Variants in CABIN1 observed in about 807,000 individuals in gnomAD.
The protein encoded by CABIN1 is calcineurin-binding protein cabin-1.
In CABIN1, 133 loss-of-function variants were observed where a neutral mutation model predicts 227.7. The observed-to-expected ratio is 0.58, with a 90% CI of 0.51 to 0.67. CABIN1 has a LOEUF of 0.67. Ranked by LOEUF, CABIN1 falls within the 30% of genes least tolerant of loss-of-function variation. The pLI is 0.00. For missense variants in CABIN1, 2,408 were observed against 2,852.5 expected (o/e 0.84, Z 3.55); for synonymous variants, 1,086 against 1,155.1 (o/e 0.94, Z 1.21).
rs75110457 is a variant in CABIN1 at position 24,092,290 on chromosome 22, A to G, written c.3786+447A>G. On this transcript the variant is annotated intron_variant, in intron 24 of 36. Coordinates refer to ENST00000263119, the MANE Select transcript of CABIN1 (RefSeq NM_012295.4). ...TGGCAGGGGCTGAGCTAGGGTGAGC[A>G]GCCTGCTCTCTTGACCCCCAGTTTG... Among the ~76,000 whole-genome samples the G allele has an allele frequency of 2.9e-3, 442 of 152,282 alleles. 1 individual carries two copies. The highest frequency in any genetic ancestry group is 4.7e-3 in the Non-Finnish European group (319 of 68,026).
At position 24,119,492 on chromosome 22, in the gene CABIN1, AC is replaced by A. The variant is rs748729720; in HGVS notation, c.4429del (p.Leu1477CysfsTer44). The A allele has an allele frequency of 6.2e-7, 1 of 1,613,844 alleles. No homozygotes were observed. Among genetic ancestry groups the A allele is most frequent in the Non-Finnish European group, 8.5e-7 (1 of 1,179,966 alleles). On this transcript the variant is annotated frameshift_variant, in exon 28 of 37. Coordinates refer to ENST00000263119, the MANE Select transcript of CABIN1 (RefSeq NM_012295.4). LOFTEE classifies it high-confidence loss of function. ...TGGCAAGCCCTCAGCATCCACACCC[AC>A]CCTGTGGGATGGGAAGAAGAGAGGG... The part of the protein sequence containing the change: ...IPGKPSASTP[T>X]LWDGKKRGDL...
At position 24,026,907 on chromosome 22, in the gene CABIN1, T is replaced by G. The variant is rs187107224; in HGVS notation, c.-74-8537T>G. On this transcript the variant is annotated intron_variant, in intron 1 of 36. Transcript: ENST00000263119. Reference sequence around the variant, plus strand: ...TTAAATCTTTCTGTCAGCTTATCTATAATTACAAACAGACCCTGCTGTGAT... The same window carrying G: ...TTAAATCTTTCTGTCAGCTTATCTAGAATTACAAACAGACCCTGCTGTGAT... Among the ~76,000 whole-genome samples the G allele has an allele frequency of 4.3e-4, 66 of 152,338 alleles. 1 individual carries two copies. The highest frequency in any genetic ancestry group is 4.2e-3 in the Admixed American group (64 of 15,302).
At chr22:24,029,345 C>T (rs1415805271) in intron 1 of CABIN1, among the ~76,000 whole-genome samples, 2 of 152,142 alleles carry the variant, frequency 1.3e-5, no homozygotes, top group Non-Finnish European at 2.9e-5. Context: ...CTCAAGGGTT[C>T]AAGACCAACC....
At position 24,059,921 on chromosome 22, in the gene CABIN1, C is replaced by T; in HGVS notation, c.1400-3C>T. 1 of 1,613,928 alleles carries T rather than the reference C, an allele frequency of 6.2e-7. No homozygotes were observed. Among genetic ancestry groups the T allele is most frequent in the Non-Finnish European group, 8.5e-7 (1 of 1,179,822 alleles). On this transcript the variant is annotated splice_polypyrimidine_tract_variant and splice_region_variant and intron_variant, in intron 11 of 36. Coordinates refer to ENST00000263119, the MANE Select transcript of CABIN1 (RefSeq NM_012295.4). Reference sequence around the variant, plus strand: ...AGTCAGGTTGTTCTTGCTCCCCGGGCAGAAAAGCAGGACGTGCATGAGTTC... The same window carrying T: ...AGTCAGGTTGTTCTTGCTCCCCGGGTAGAAAAGCAGGACGTGCATGAGTTC...
At chr22:24,041,030 A>G in intron 4 of CABIN1, 109 bp from the exon 5 acceptor site, 1 of 1,318,446 alleles carries the variant, frequency 7.6e-7, no homozygotes, top group Non-Finnish European at 1.1e-6. Context: ...ACAACACTAG[A>G]CTGGCTCAAG....
At chr22:24,079,084 C>T (rs1251661097) in intron 19 of CABIN1, among the ~76,000 whole-genome samples, 1 of 151,974 alleles carries the variant, frequency 6.6e-6, no homozygotes, top group African/African-American at 2.4e-5. Flanking sequence ...GTATATCATG[C>T]TCTTAAACTT....
chr22:24,107,860 A>G (rs1185673476), intron 26 of CABIN1, among the ~76,000 whole-genome samples: 1 of 152,094 alleles, frequency 6.6e-6, no homozygotes, highest in Non-Finnish European at 1.5e-5. Flanking sequence ...TGCTTCCTGG[A>G]GCTTGCCGCA....
intron 10 of CABIN1, chr22:24,056,665 G>T: frequency 2.6e-6 from 1 of 379,864 alleles, no homozygotes; most frequent in South Asian, 2.9e-5. Context: ...GGGAGGCAGA[G>T]GGGTGCTGTG....
chr22:24,147,111 C>T (rs2045168194), intron 29 of CABIN1, among the ~76,000 whole-genome samples: 1 of 152,236 alleles, frequency 6.6e-6, no homozygotes, highest in African/African-American at 2.4e-5. Flanking sequence ...CCTGGGTATT[C>T]AGTCAGGAGC....
chr22:24,164,609 A>C lies in CABIN1; in HGVS notation c.4910+46A>C, dbSNP rs372710345. On this transcript the variant is annotated intron_variant, in intron 30 of 36. Coordinates refer to ENST00000263119, the MANE Select transcript of CABIN1 (RefSeq NM_012295.4). ...CACAGCCTGGCATGCTGTGTGGGTC[A>C]GGGGCACACACACCCCAGGAAGCCT... The C allele has an allele frequency of 1.7e-5, 27 of 1,585,098 alleles. No homozygotes were observed. In the African/African-American group the frequency reaches 2.3e-4, roughly 13 times the overall value.
chr22:24,025,779 A>T (rs1262390363), intron 1 of CABIN1, among the ~76,000 whole-genome samples: 1 of 152,162 alleles, frequency 6.6e-6, no homozygotes, highest in African/African-American at 2.4e-5. Context: ...GGCTGAAGTT[A>T]TCCTCCCACT....
chr22:24,036,592 G>T (rs2036908953), intron 3 of CABIN1, among the ~76,000 whole-genome samples: 2 of 152,094 alleles, frequency 1.3e-5, no homozygotes, highest in African/African-American at 2.4e-5. Flanking sequence ...GGTCAGTGAG[G>T]GAGCCAGGTC....
intron 35 of CABIN1, among the ~76,000 whole-genome samples, chr22:24,176,686 G>A (rs981145402): frequency 2.3e-4 from 35 of 152,176 alleles, no homozygotes; most frequent in Non-Finnish European, 5.0e-4. Context: ...CAGGCAGAAG[G>A]GTGGACAGGT....
intron 29 of CABIN1, among the ~76,000 whole-genome samples, chr22:24,155,546 G>A (rs2045732444): frequency 6.6e-6 from 1 of 151,940 alleles, no homozygotes; most frequent in South Asian, 2.1e-4. Flanking sequence ...TTTGCCCTCC[G>A]CCCTGAGGAC....
At chr22:24,031,128 C>T (rs2036463055) in intron 1 of CABIN1, among the ~76,000 whole-genome samples, 1 of 152,204 alleles carries the variant, frequency 6.6e-6, no homozygotes, top group African/African-American at 2.4e-5. Flanking sequence ...TAATGGGCCC[C>T]TCCCTTGTTT....
chr22:24,129,303 GC>G, intron 28 of CABIN1, among the ~76,000 whole-genome samples: 1 of 152,194 alleles, frequency 6.6e-6, no homozygotes, highest in Non-Finnish European at 1.5e-5. Flanking sequence ...ATGACAGTCA[GC>G]CCAATGTGTG....
At chr22:24,020,532 C>T (rs1438632476) in intron 1 of CABIN1, among the ~76,000 whole-genome samples, 2 of 152,086 alleles carry the variant, frequency 1.3e-5, no homozygotes, top group Non-Finnish European at 2.9e-5. Flanking sequence ...CTATGTTGCC[C>T]AGACTGGTCT....
At chr22:24,061,848 C>A in intron 12 of CABIN1, 99 bp from the exon 13 acceptor site, 2 of 826,286 alleles carry the variant, frequency 2.4e-6, no homozygotes, top group South Asian at 1.4e-5. Flanking sequence ...ATATTTTTAT[C>A]AAAAAGTATA....
intron 29 of CABIN1, chr22:24,160,224 C>A (rs769247761): frequency 6.6e-6 from 1 of 152,216 alleles, no homozygotes; most frequent in Non-Finnish European, 1.5e-5. Flanking sequence ...TCAGCCCACA[C>A]CTGACCCTCG....
Sources: allele counts gnomAD v4.1 joint callset (sites outside exome capture counted in the v4.1 genomes callset), GRCh38; gene constraint gnomAD v4.1.1; transcripts MANE v1.5; gene names NCBI Gene and HGNC (gene_info 2026-07-23, HGNC 2026-07-21).